The following GRIP1 variants were observed in gnomAD, a reference collection of about 807,000 sequenced individuals.
The protein encoded by GRIP1 is glutamate receptor interacting protein 1, also known as glutamate receptor-interacting protein 1.
Under a neutral mutation model 129.9 loss-of-function variants are expected in GRIP1, and 45 were observed. The observed-to-expected ratio is 0.35, with a 90% confidence interval of 0.27 to 0.44. The LOEUF (loss-of-function observed/expected upper bound fraction) is 0.44, where lower values mean the gene tolerates loss of function less well. GRIP1 is among the 20% of genes least tolerant of loss of function. GRIP1 has a pLI of 1.00. For missense variants in GRIP1, 1,196 were observed against 1,396.8 expected (o/e 0.86, Z 2.29); for synonymous variants, 530 against 520.8 (o/e 1.02, Z -0.24).
At chr12:66,947,123 G>A (rs117093888) in intron 1 of GRIP1, among the ~76,000 whole-genome samples, 1,527 of 151,778 alleles carry the variant, frequency 0.01, 11 homozygotes, top group Middle Eastern at 0.024. Flanking sequence ...GCTTATCTCC[G>A]CACTTTTAGA....
upstream of GRIP1, among the ~76,000 whole-genome samples, chr12:66,808,443 G>A (rs567396621): frequency 7.2e-5 from 11 of 152,040 alleles, no homozygotes; most frequent in Middle Eastern, 3.4e-3. Context: ...GATTACAGGC[G>A]CCTGCCACCA....
chr12:66,525,868 G>T (rs1470436297), intron 5 of GRIP1, among the ~76,000 whole-genome samples: 2 of 151,764 alleles, frequency 1.3e-5, no homozygotes, highest in Non-Finnish European at 2.9e-5. Flanking sequence ...AAAATCACAA[G>T]CATTCTTATA....
At chr12:67,028,122 G>T (rs1240391802) in intron 1 of GRIP1, among the ~76,000 whole-genome samples, 1 of 152,118 alleles carries the variant, frequency 6.6e-6, no homozygotes, top group Non-Finnish European at 1.5e-5. Flanking sequence ...GGCATTTTTG[G>T]ATGTCCTTCA....
intron 1 of GRIP1, among the ~76,000 whole-genome samples, chr12:67,014,903 G>A (rs887651294): frequency 2.0e-5 from 3 of 152,156 alleles, no homozygotes; most frequent in African/African-American, 7.2e-5. Context: ...ACCACTTTTA[G>A]TGTGTTTAAA....
intron 1 of GRIP1, among the ~76,000 whole-genome samples, chr12:66,721,578 T>A (rs1278367969): frequency 2.6e-5 from 4 of 152,184 alleles, no homozygotes; most frequent in Admixed American, 1.3e-4. Context: ...CCTATGATTT[T>A]TTGGAATGGT....
intron 1 of GRIP1, among the ~76,000 whole-genome samples, chr12:66,909,519 C>T (rs530464994): frequency 3.3e-5 from 5 of 152,346 alleles, no homozygotes; most frequent in East Asian, 1.9e-4. Context: ...TATCAGCTCA[C>T]GTGGTCAGTT....
Position 66,814,320 on chromosome 12 carries a change from A to G in GRIP1, c.59-217393T>C, listed in dbSNP as rs1388420036. Among the ~76,000 whole-genome samples, 3 of 152,112 alleles carry G rather than the reference A, an allele frequency of 2.0e-5. No homozygotes were observed. The East Asian group carries it at 5.8e-4, about 29-fold the overall frequency. ...ACATGAAGCTCTTGGAGATTGGTAC[A>G]TAGCAAGAAAAATTTAAATGTATTG... On this transcript the variant is annotated intron_variant, in intron 1 of 1. Coordinates refer to the GRIP1 transcript ENST00000643019.
intron 1 of GRIP1, among the ~76,000 whole-genome samples, chr12:66,739,428 A>G (rs2036716768): frequency 6.6e-6 from 1 of 152,112 alleles, no homozygotes; most frequent in South Asian, 2.1e-4. Context: ...TTTATCTTCT[A>G]TGAAGGAATC....
chr12:66,874,301 T>C (rs932394054), intron 1 of GRIP1, among the ~76,000 whole-genome samples: 6 of 152,086 alleles, frequency 3.9e-5, no homozygotes, highest in African/African-American at 1.4e-4. Context: ...GCACAACAAG[T>C]GTCTGTTGAC....
intron 1 of GRIP1, among the ~76,000 whole-genome samples, chr12:66,720,734 G>C (rs1224031968): frequency 1.3e-5 from 2 of 152,108 alleles, no homozygotes; most frequent in African/African-American, 2.4e-5. Flanking sequence ...GCAGCAATTA[G>C]GTCATATCTT....
At chr12:67,025,659 T>TC (rs976826984) in intron 1 of GRIP1, among the ~76,000 whole-genome samples, 4 of 151,914 alleles carry the variant, frequency 2.6e-5, no homozygotes, top group African/African-American at 9.7e-5. Flanking sequence ...CAGGTTTCTC[T>TC]CCCCCCAGGG....
At chr12:66,991,032 G>A (rs1017093236) in intron 1 of GRIP1, among the ~76,000 whole-genome samples, 2 of 151,028 alleles carry the variant, frequency 1.3e-5, no homozygotes, top group Non-Finnish European at 2.9e-5. Context: ...CCAGCACTTC[G>A]GGAGACCGAG....
At chr12:66,835,907 T>C (rs189111281) in intron 1 of GRIP1, among the ~76,000 whole-genome samples, 1 of 152,120 alleles carries the variant, frequency 6.6e-6, no homozygotes, top group Admixed American at 6.5e-5. Context: ...TCATCAGTTG[T>C]AACAAATGTG....
At chr12:66,619,523 C>T (rs532863859) in intron 1 of GRIP1, among the ~76,000 whole-genome samples, 5 of 152,046 alleles carry the variant, frequency 3.3e-5, no homozygotes, top group Non-Finnish European at 7.4e-5. Context: ...GCACTAAAGG[C>T]CCACTTCAAA....
At chr12:66,388,270 AAG>A (rs746518895) in intron 19 of GRIP1, among the ~76,000 whole-genome samples, 40 of 151,526 alleles carry the variant, frequency 2.6e-4, no homozygotes, top group Non-Finnish European at 5.7e-4. Context: ...AAAATTAAAA[AAG>A]AGATTAATTA....
chr12:66,570,995 G>A (rs1248008346), intron 2 of GRIP1: 1 of 152,154 alleles, frequency 6.6e-6, no homozygotes, highest in Non-Finnish European at 1.5e-5. Context: ...CCTTTTGTGA[G>A]GACTTAAAAC....
intron 1 of GRIP1, among the ~76,000 whole-genome samples, chr12:66,877,814 T>G (rs186603315): frequency 7.9e-5 from 12 of 152,230 alleles, no homozygotes; most frequent in African/African-American, 2.9e-4. Flanking sequence ...AAATTCATTT[T>G]AAGTTAAAAA....
At chr12:66,391,200 A>T (rs2056572344) in intron 19 of GRIP1, among the ~76,000 whole-genome samples, 1 of 152,300 alleles carries the variant, frequency 6.6e-6, no homozygotes, top group East Asian at 1.9e-4. Context: ...CCTCACACCA[A>T]TGTGTTCTCT....
At position 66,442,404 on chromosome 12, in the gene GRIP1, C is replaced by A. The variant is rs370234237; in HGVS notation, c.1687+2180G>T. ...GGCTTACCCGTCTCAGCTTTCATAT[C>A]CCTGCCCAAATGTCACTCCTTAGAG... On this transcript the variant is annotated intron_variant, in intron 13 of 24. Coordinates refer to ENST00000359742, the MANE Select transcript of GRIP1 (RefSeq NM_001366722.1). Among the ~76,000 whole-genome samples the A allele has an allele frequency of 5.3e-4, 80 of 152,342 alleles. 2 individuals are homozygous for A. The South Asian group carries it at 0.016, about 30-fold the overall frequency.
Sources: allele counts gnomAD v4.1 joint callset (sites outside exome capture counted in the v4.1 genomes callset), GRCh38; gene constraint gnomAD v4.1.1; transcripts MANE v1.5; gene names NCBI Gene and HGNC (gene_info 2026-07-23, HGNC 2026-07-21).